Variants in PCDHA11 observed in about 807,000 individuals in gnomAD.
The protein encoded by PCDHA11 is protocadherin alpha 11, also known as protocadherin alpha-11.
In PCDHA11, 61 loss-of-function variants were observed where a neutral mutation model predicts 70.3. The observed-to-expected ratio is 0.87, with a 90% CI of 0.71 to 1.07. The LOEUF (loss-of-function observed/expected upper bound fraction) is 1.07, where lower values mean the gene tolerates loss of function less well. Among genes scored for constraint, PCDHA11 ranks in the 50% least tolerant of loss-of-function variants. PCDHA11 has a pLI of 0.00. For synonymous variants in PCDHA11, 633 were observed against 555.1 expected (o/e 1.14, Z -1.97); for missense variants, 1,324 against 1,237.5 (o/e 1.07, Z -1.05).
intron 1 of PCDHA11, chr5:140,927,000 A>G (rs1554203899): frequency 1.2e-6 from 2 of 1,612,352 alleles, no homozygotes; most frequent in Non-Finnish European, 1.7e-6. Flanking sequence ...GCGTAGCCGT[A>G]GGCAATCTCT....
At chr5:140,978,861 T>C (rs540878929) in intron 1 of PCDHA11, 88 bp from the exon 2 acceptor site, 1 of 1,599,110 alleles carries the variant, frequency 6.3e-7, no homozygotes, top group African/African-American at 1.3e-5. Flanking sequence ...CCTGGAAATA[T>C]TTAAGGGAGT....
chr5:140,892,573 A>G (rs1299586046), intron 1 of PCDHA11, among the ~76,000 whole-genome samples: 1 of 152,210 alleles, frequency 6.6e-6, no homozygotes, highest in Non-Finnish European at 1.5e-5. Context: ...TGTCAAAAGT[A>G]TATCTCAGTA....
intron 1 of PCDHA11, among the ~76,000 whole-genome samples, chr5:140,974,864 C>A (rs949061887): frequency 3.9e-5 from 6 of 152,124 alleles, no homozygotes; most frequent in Non-Finnish European, 8.8e-5. Flanking sequence ...TGCCTTAATG[C>A]GGAACAGTCT....
chr5:140,877,155 C>A, intron 1 of PCDHA11: 1 of 1,613,798 alleles, frequency 6.2e-7, no homozygotes, highest in Non-Finnish European at 8.5e-7. Context: ...AGAACGACAA[C>A]GCGCCGGCAC....
chr5:140,940,499 G>A (rs190058542), intron 1 of PCDHA11, among the ~76,000 whole-genome samples: 23 of 151,756 alleles, frequency 1.5e-4, no homozygotes, highest in African/African-American at 3.9e-4. Context: ...GTCTTGCTCC[G>A]TCGCTCAGGC....
rs201759355 is a variant in PCDHA11 at position 140,869,160 on chromosome 5, C to G, written c.57C>G (p.Leu19=). The change falls in exon 1 of 4, where the codon CTC becomes CTG. Residue 19 remains leucine, a synonymous_variant. Transcript: ENST00000398640. ...LGTPRLQLWL[L]LLEFWEVGSG... is the part of the protein sequence containing the mutation. Reference sequence around the variant, plus strand: ...CCCCACGACTACAGCTCTGGCTTCTCCTCCTCGAATTCTGGGAGGTGGGGA... The same window carrying G: ...CCCCACGACTACAGCTCTGGCTTCTGCTCCTCGAATTCTGGGAGGTGGGGA... 6.2e-7 allele frequency: 1 copy of G among 1,613,768 alleles called. No individual in the cohort carries two copies. The highest frequency in any genetic ancestry group is 1.3e-5 in the African/African-American group (1 of 74,930).
intron 1 of PCDHA11, among the ~76,000 whole-genome samples, chr5:140,950,272 C>G (rs928839890): frequency 2.0e-5 from 3 of 151,950 alleles, no homozygotes; most frequent in Non-Finnish European, 4.4e-5. Flanking sequence ...TCCATAATGT[C>G]TTTTTGCTTC....
intron 1 of PCDHA11, chr5:140,967,880 A>G (rs782459653): frequency 4.3e-6 from 7 of 1,614,060 alleles, no homozygotes; most frequent in Non-Finnish European, 2.5e-6. Context: ...GGACCTGTAT[A>G]GCCCAGTGCC....
chr5:140,869,808 C>A lies in PCDHA11; in HGVS notation c.705C>A (p.Val235=). ...GGCTGTTAGTCCAAGTCTTGGATGTCAACGACAATGATCCAGAGTTTGATA... is the reference window on the plus strand; with the variant it reads ...GGCTGTTAGTCCAAGTCTTGGATGTAAACGACAATGATCCAGAGTTTGATA... ...TVRLLVQVLD[V]NDNDPEFDKS... The change falls in exon 1 of 4, where the codon GTC becomes GTA. Residue 235 remains valine (V), a synonymous_variant. Coordinates refer to ENST00000398640, the MANE Select transcript of PCDHA11 (RefSeq NM_018902.5). The A allele has an allele frequency of 6.2e-7, 1 of 1,612,402 alleles. No homozygotes were observed. Among genetic ancestry groups the A allele is most frequent in the South Asian group, 1.1e-5 (1 of 90,930 alleles).
At position 140,869,155 on chromosome 5, in the gene PCDHA11, C is replaced by G. The variant is rs74664704; in HGVS notation, c.52C>G (p.Leu18Val). Residue 18 changes from leucine to valine, a missense_variant, in exon 1 of 4, where the codon CTT (leucine) becomes GTT (valine). By Grantham distance (32) the Leu-to-Val change is conservative. Transcript: ENST00000398640. ...GLGTPRLQLWLLLLEFWEVGS... is the reference protein window; with the variant it reads ...GLGTPRLQLWVLLLEFWEVGS... The stretch of plus-strand genomic sequence containing the variant: ...GGGCACCCCACGACTACAGCTCTGG[C>G]TTCTCCTCCTCGAATTCTGGGAGGT... 3.7e-4 allele frequency: 593 copies of G among 1,613,808 alleles called. 1 individual carries two copies. In the African/African-American group the frequency reaches 7.1e-3, roughly 19 times the overall value.
intron 1 of PCDHA11, among the ~76,000 whole-genome samples, chr5:140,943,553 CAAT>C (rs1554215748): frequency 6.6e-6 from 1 of 152,026 alleles, no homozygotes; most frequent in East Asian, 1.9e-4. Context: ...TAGACGTAGA[CAAT>C]AATCATTTTA....
Position 140,870,784 on chromosome 5 carries a change from G to A in PCDHA11, c.1681G>A (p.Ala561Thr). 1 of 1,613,574 alleles carries A rather than the reference G, an allele frequency of 6.2e-7. No homozygotes were observed. The highest frequency in any genetic ancestry group is 1.1e-5 in the South Asian group (1 of 91,056). Residue 561 changes from alanine to threonine, a missense_variant, in exon 1 of 4, where the codon GCG (alanine) becomes ACG (threonine). Coordinates refer to ENST00000398640, the MANE Select transcript of PCDHA11 (RefSeq NM_018902.5). ...QVFVLDENDN[A>T]PALLATQAGS... ...GTTCGTGCTGGACGAGAACGACAAC[G>A]CGCCGGCACTGCTGGCGACTCAGGC... is the stretch of plus-strand genomic sequence containing the variant.
At chr5:140,872,266 T>C (rs1267974541) in intron 1 of PCDHA11, among the ~76,000 whole-genome samples, 2 of 152,208 alleles carry the variant, frequency 1.3e-5, no homozygotes, top group Non-Finnish European at 2.9e-5. Context: ...GTTTTCATAT[T>C]GTTTGAAGAA....
rs2051696193 is a variant in PCDHA11, at chr5:140,870,134, A to G, written c.1031A>G (p.Asp344Gly). 6.2e-7 allele frequency: 1 copy of G among 1,613,888 alleles called. No homozygotes were observed. Among genetic ancestry groups the G allele is most frequent in the African/African-American group, 1.3e-5 (1 of 74,944 alleles). Reference sequence around the variant, plus strand: ...TGGGTGGAAATCTTGGACACCAACGATAACTCTCCTGAAGTCGCCGTGACT... The same window carrying G: ...TGGGTGGAAATCTTGGACACCAACGGTAACTCTCCTGAAGTCGCCGTGACT... ...TVWVEILDTNDNSPEVAVTSL... is the reference protein window; with the variant it reads ...TVWVEILDTNGNSPEVAVTSL... Residue 344 changes from aspartate (D) to glycine (G), a missense_variant, in exon 1 of 4, where the codon GAT (aspartate) becomes GGT (glycine). Transcript: ENST00000398640.
At chr5:140,926,771 A>G in intron 1 of PCDHA11, 3 of 1,372,492 alleles carry the variant, frequency 2.2e-6, no homozygotes, top group Admixed American at 3.2e-5. Context: ...TCCAGCCCGC[A>G]GCAGTGACGG....
chr5:140,903,275 T>A (rs1313552617), intron 1 of PCDHA11, among the ~76,000 whole-genome samples: 1 of 152,210 alleles, frequency 6.6e-6, no homozygotes, highest in East Asian at 1.9e-4. Flanking sequence ...TGAGGTAGTG[T>A]CTCATTGTGC....
chr5:140,912,101 A>G (rs781989328), intron 1 of PCDHA11, among the ~76,000 whole-genome samples: 2 of 152,194 alleles, frequency 1.3e-5, no homozygotes, highest in Non-Finnish European at 2.9e-5. Context: ...CAGGAGAAAG[A>G]TGTAGGCTGG....
chr5:140,983,806 G>T (rs981942088), intron 3 of PCDHA11, among the ~76,000 whole-genome samples: 1 of 152,110 alleles, frequency 6.6e-6, no homozygotes, highest in Non-Finnish European at 1.5e-5. Flanking sequence ...GTGTGTAAAA[G>T]GTTTTTTCCC....
At position 140,877,186 on chromosome 5, in the gene PCDHA11, A is replaced by C; in HGVS notation, c.2391+5692A>C. On this transcript the variant is annotated intron_variant, in intron 1 of 3. Coordinates refer to ENST00000398640, the MANE Select transcript of PCDHA11 (RefSeq NM_018902.5). The stretch of plus-strand genomic sequence containing the variant: ...GGCACTGCTGGCGACTCCGGCTGGC[A>C]GCGCAGGAGGCGCAGTTAGCGAGTT... 1 of 1,613,832 alleles carries C rather than the reference A, an allele frequency of 6.2e-7. No homozygotes were observed. Among genetic ancestry groups the C allele is most frequent in the Non-Finnish European group, 8.5e-7 (1 of 1,179,822 alleles).
Sources: allele counts gnomAD v4.1 joint callset (sites outside exome capture counted in the v4.1 genomes callset), GRCh38; gene constraint gnomAD v4.1.1; transcripts MANE v1.5; gene names NCBI Gene and HGNC (gene_info 2026-07-23, HGNC 2026-07-21).